SPOCK3: variants seen among roughly 807,000 people sequenced by gnomAD.
SPOCK3 encodes testican-3.
A neutral mutation model predicts 56.6 loss-of-function variants in SPOCK3; 30 were observed. That is an observed-to-expected ratio of 0.53 (90% CI 0.40 to 0.72). The LOEUF is 0.72. Among genes scored for constraint, SPOCK3 ranks in the 30% least tolerant of loss-of-function variants. The probability of loss-of-function intolerance (pLI) is 0.00; values close to 1 mark genes in which losing one functional copy is unlikely to be tolerated. For synonymous variants in SPOCK3, 196 were observed against 183.3 expected, an observed-to-expected ratio of 1.07 and a Z score of -0.56; for missense variants, 527 against 530.0, an observed-to-expected ratio of 0.99 and a Z score of 0.06.
chr4:167,052,081 C>T (rs918290504), intron 3 of SPOCK3, among the ~76,000 whole-genome samples: 1 of 152,070 alleles, frequency 6.6e-6, no homozygotes, highest in African/African-American at 2.4e-5. Context: ...AAAACACAGA[C>T]CTTTACACAG....
At chr4:166,978,763 A>G (rs1484144670) in intron 4 of SPOCK3, among the ~76,000 whole-genome samples, 1 of 152,218 alleles carries the variant, frequency 6.6e-6, no homozygotes, top group East Asian at 1.9e-4. Flanking sequence ...CTTATTGAGT[A>G]TAAATATACA....
At chr4:167,032,049 C>G (rs1368820660) in intron 3 of SPOCK3, among the ~76,000 whole-genome samples, 8 of 151,026 alleles carry the variant, frequency 5.3e-5, no homozygotes, top group Non-Finnish European at 1.2e-4. Context: ...AGCAAGTACA[C>G]CTACTTCAAC....
At chr4:166,858,979 A>C (rs1730963340) in intron 6 of SPOCK3, among the ~76,000 whole-genome samples, 1 of 152,192 alleles carries the variant, frequency 6.6e-6, no homozygotes. Context: ...TGGAGCTGAA[A>C]AATTTGTATC....
At chr4:166,856,489 C>T (rs980340863) in intron 6 of SPOCK3, among the ~76,000 whole-genome samples, 1 of 151,990 alleles carries the variant, frequency 6.6e-6, no homozygotes. Flanking sequence ...AAAATATATA[C>T]AGTCGGCCAG....
chr4:166,942,264 G>A lies in SPOCK3; in HGVS notation c.351-29521C>T, dbSNP rs1054758966. ...TCTTGCTCTGTCACTAGGCTGGAGT[G>A]CAGTAGCACAATATTGGCTCACTGA... On this transcript the variant is annotated intron_variant, in intron 4 of 10. Coordinates refer to ENST00000357545, the MANE Select transcript of SPOCK3 (RefSeq NM_001040159.2). Among the ~76,000 whole-genome samples, 3 of 151,632 alleles carry A rather than the reference G, an allele frequency of 2.0e-5. No homozygotes were observed. In the East Asian group the frequency reaches 5.9e-4, roughly 30 times the overall value.
At chr4:166,940,224 A>G (rs1320782250) in intron 4 of SPOCK3, among the ~76,000 whole-genome samples, 3 of 152,200 alleles carry the variant, frequency 2.0e-5, no homozygotes, top group Non-Finnish European at 2.9e-5. Context: ...CCTTCTGACT[A>G]TGATGATATA....
At chr4:167,148,317 C>T (rs1350501463) in intron 2 of SPOCK3, among the ~76,000 whole-genome samples, 3 of 152,022 alleles carry the variant, frequency 2.0e-5, no homozygotes, top group Non-Finnish European at 4.4e-5. Flanking sequence ...ATTATTCAGC[C>T]AAATATGTCA....
chr4:167,086,092 C>T (rs932553406), intron 2 of SPOCK3, among the ~76,000 whole-genome samples: 1 of 151,838 alleles, frequency 6.6e-6, no homozygotes, highest in African/African-American at 2.4e-5. Context: ...CTGTTTCAAC[C>T]ATTTTTCAAC....
chr4:166,876,510 A>T (rs1473533788), intron 6 of SPOCK3, among the ~76,000 whole-genome samples: 2 of 152,318 alleles, frequency 1.3e-5, no homozygotes, highest in Non-Finnish European at 2.9e-5. Flanking sequence ...ATATCATGTT[A>T]ACTAAAATTT....
At position 167,219,778 on chromosome 4, in the gene SPOCK3, T is replaced by C. The variant is rs533497255; in HGVS notation, c.189+14207A>G. On this transcript the variant is annotated intron_variant, in intron 2 of 10. Transcript: ENST00000357545. The stretch of plus-strand genomic sequence containing the variant: ...ATTTAAAAATAAATTACAGAAATCA[T>C]TGAATTTTAATTTACTCAAATTTAT... Among the ~76,000 whole-genome samples the C allele has an allele frequency of 2.0e-5, 3 of 152,306 alleles. No homozygotes were observed. The South Asian group carries it at 6.2e-4, about 32-fold the overall frequency.
chr4:167,110,739 A>G (rs953180904), intron 2 of SPOCK3, among the ~76,000 whole-genome samples: 2 of 152,116 alleles, frequency 1.3e-5, no homozygotes, highest in African/African-American at 4.8e-5. Flanking sequence ...ATTCCAAAAT[A>G]GAGCCCCAAA....
chr4:167,168,116 G>A (rs1460206405), intron 2 of SPOCK3, among the ~76,000 whole-genome samples: 1 of 152,172 alleles, frequency 6.6e-6, no homozygotes, highest in Admixed American at 6.5e-5. Flanking sequence ...ATGTGGACCT[G>A]TGAGTCCATT....
chr4:167,175,588 T>C (rs1730914548), intron 2 of SPOCK3, among the ~76,000 whole-genome samples: 1 of 152,092 alleles, frequency 6.6e-6, no homozygotes, highest in South Asian at 2.1e-4. Flanking sequence ...CTATATACAA[T>C]ATGACTGGCG....
chr4:166,951,470 C>G (rs556688606), intron 4 of SPOCK3, among the ~76,000 whole-genome samples: 1 of 142,380 alleles, frequency 7.0e-6, no homozygotes, highest in East Asian at 2.0e-4. Context: ...AGTCCAGGAT[C>G]AGATGGATTC....
intron 3 of SPOCK3, among the ~76,000 whole-genome samples, chr4:167,051,829 C>A (rs1055265646): frequency 2.0e-5 from 3 of 152,158 alleles, no homozygotes; most frequent in Admixed American, 6.5e-5. Flanking sequence ...TTAAATTCTG[C>A]CATTGTCATT....
At chr4:166,884,814 A>C (rs1400609023) in intron 6 of SPOCK3, among the ~76,000 whole-genome samples, 1 of 151,962 alleles carries the variant, frequency 6.6e-6, no homozygotes, top group Admixed American at 6.6e-5. Flanking sequence ...TGAATAAGTT[A>C]GGCTCTCCAC....
chr4:167,205,353 T>TATATA lies in SPOCK3; in HGVS notation c.189+28627_189+28631dup, dbSNP rs1283855249. 5.2e-3 allele frequency among the ~76,000 whole-genome samples: 185 copies of TATATA among 35,506 alleles called. 2 individuals are homozygous for TATATA. The highest frequency in any genetic ancestry group is 7.5e-3 in the African/African-American group (52 of 6,966). The allele number at this position is 35,506 out of a possible 152,430, so 23.3% of individuals were successfully genotyped here. ...TATATATTATATATTATATATATAA[T>TATATA]ATATATATTATATATTTTATATATA... On this transcript the variant is annotated intron_variant, in intron 2 of 10. Coordinates refer to ENST00000357545, the MANE Select transcript of SPOCK3 (RefSeq NM_001040159.2).
chr4:166,795,748 A>C, intron 6 of SPOCK3, among the ~76,000 whole-genome samples: 1 of 152,072 alleles, frequency 6.6e-6, no homozygotes, highest in East Asian at 1.9e-4. Context: ...AGAGTCAATA[A>C]ATATTTTTTT....
intron 6 of SPOCK3, among the ~76,000 whole-genome samples, chr4:166,824,404 A>G (rs1488754186): frequency 1.3e-5 from 2 of 152,082 alleles, no homozygotes; most frequent in African/African-American, 4.8e-5. Context: ...TACAGAGCCT[A>G]GATCTTATTC....
Sources: gnomAD v4.1 joint callset for allele counts (sites outside exome capture counted in the v4.1 genomes callset) on GRCh38, gnomAD v4.1.1 for gene constraint, MANE v1.5 for transcripts, NCBI Gene and HGNC (gene_info 2026-07-23, HGNC 2026-07-21) for gene names.